The following FAM163A variants were observed in gnomAD, a reference collection of about 807,000 sequenced individuals.
FAM163A encodes the protein protein FAM163A.
Under a neutral mutation model 12.0 loss-of-function variants are expected in FAM163A, and 7 were observed. The ratio of observed to expected loss-of-function variants is 0.58; its 90% CI spans 0.33 to 1.10. The LOEUF (loss-of-function observed/expected upper bound fraction) is 1.10. Ranked by LOEUF, FAM163A falls within the 50% of genes least tolerant of loss-of-function variation. The pLI, the probability that FAM163A is intolerant of heterozygous loss-of-function variation, is 0.03. For synonymous variants in FAM163A, 101 were observed against 91.0 expected (o/e 1.11, Z -0.62); for missense variants, 202 against 218.6 (o/e 0.92, Z 0.48).
At chr1:179,789,370 T>C (rs765543986) in intron 1 of FAM163A, among the ~76,000 whole-genome samples, 28 of 152,164 alleles carry the variant, frequency 1.8e-4, no homozygotes, top group Non-Finnish European at 2.9e-5. Flanking sequence ...TTAGTAGAGA[T>C]GGGGTTTCAC....
chr1:179,755,368 T>A (rs930405576), intron 1 of FAM163A, among the ~76,000 whole-genome samples: 2 of 151,980 alleles, frequency 1.3e-5, no homozygotes, highest in African/African-American at 4.8e-5. Context: ...GCCATGGTAG[T>A]GGGTGAGTGA....
intron 1 of FAM163A, among the ~76,000 whole-genome samples, chr1:179,760,613 A>G (rs1686680478): frequency 6.6e-6 from 1 of 152,226 alleles, no homozygotes; most frequent in Non-Finnish European, 1.5e-5. Context: ...GTCCAGAGAC[A>G]GGTGAGAGAG....
the FAM163A span, among the ~76,000 whole-genome samples, chr1:179,728,130 C>G: frequency 2.6e-3 from 399 of 152,232 alleles, 2 homozygotes; most frequent in African/African-American, 8.8e-3. Context: ...CAGTGCCTGT[C>G]ACATAGTAAG....
chr1:179,802,941 C>A (rs1446008225), intron 1 of FAM163A, among the ~76,000 whole-genome samples: 4 of 151,682 alleles, frequency 2.6e-5, no homozygotes, highest in Non-Finnish European at 5.9e-5. Context: ...CTAGAGAGAC[C>A]CCTTCTCAAA....
chr1:179,780,545 G>C (rs1243217503), intron 1 of FAM163A, among the ~76,000 whole-genome samples: 4 of 152,206 alleles, frequency 2.6e-5, no homozygotes, highest in African/African-American at 9.7e-5. Context: ...GTGGTCCCCA[G>C]ATGAGCAACA....
At chr1:179,808,403 A>C (rs1252997864) in intron 2 of FAM163A, among the ~76,000 whole-genome samples, 1 of 152,192 alleles carries the variant, frequency 6.6e-6, no homozygotes, top group Non-Finnish European at 1.5e-5. Context: ...CCGCTGCCTC[A>C]AGGTCTCAGC....
chr1:179,732,434 T>C, the FAM163A span, among the ~76,000 whole-genome samples: 1 of 152,224 alleles, frequency 6.6e-6, no homozygotes, highest in African/African-American at 2.4e-5. Flanking sequence ...ACATGTTTTT[T>C]GACCCTCAGT....
At chr1:179,784,648 A>C (rs1004216123) in intron 1 of FAM163A, among the ~76,000 whole-genome samples, 8 of 152,212 alleles carry the variant, frequency 5.3e-5, no homozygotes, top group African/African-American at 1.9e-4. Flanking sequence ...GAAAGCACAA[A>C]ACCTGCGCAC....
chr1:179,792,916 G>A (rs989968687), intron 1 of FAM163A, among the ~76,000 whole-genome samples: 3 of 151,550 alleles, frequency 2.0e-5, no homozygotes, highest in Non-Finnish European at 4.4e-5. Flanking sequence ...AGTGTGACAG[G>A]AGCTGGCATC....
intron 1 of FAM163A, among the ~76,000 whole-genome samples, chr1:179,745,730 C>T (rs1684375449): frequency 6.6e-6 from 1 of 152,192 alleles, no homozygotes; most frequent in South Asian, 2.1e-4. Flanking sequence ...ATTATTTCCC[C>T]ATTTTTCGTG....
intron 1 of FAM163A, among the ~76,000 whole-genome samples, chr1:179,745,737 C>A (rs951475213): frequency 6.6e-6 from 1 of 152,110 alleles, no homozygotes; most frequent in Admixed American, 6.5e-5. Flanking sequence ...CCCCATTTTT[C>A]GTGTGATGAA....
chr1:179,737,177 A>G, the FAM163A span, among the ~76,000 whole-genome samples: 31 of 152,222 alleles, frequency 2.0e-4, no homozygotes, highest in Non-Finnish European at 3.4e-4. Context: ...TCACCCTTAT[A>G]AAAGAAGGAA....
At chr1:179,805,748 G>A (rs544489609) in intron 1 of FAM163A, among the ~76,000 whole-genome samples, 9 of 152,236 alleles carry the variant, frequency 5.9e-5, no homozygotes, top group African/African-American at 1.7e-4. Context: ...ACCACTGGCC[G>A]GGATCGAAAT....
chr1:179,729,854 T>C, the FAM163A span, among the ~76,000 whole-genome samples: 1 of 152,332 alleles, frequency 6.6e-6, no homozygotes, highest in South Asian at 2.1e-4. Context: ...TTTATCTTTA[T>C]GGTTCAGCTC....
intron 1 of FAM163A, among the ~76,000 whole-genome samples, chr1:179,753,539 T>G (rs978921075): frequency 7.2e-5 from 11 of 152,158 alleles, no homozygotes; most frequent in African/African-American, 2.7e-4. Flanking sequence ...TGTAGTTTCC[T>G]GAGAAAATGG....
rs1695246845 is a variant in FAM163A, at chr1:179,815,526, C to G, written c.*1337C>G. 1 of 152,318 alleles carries G rather than the reference C, an allele frequency of 6.6e-6. No homozygotes were observed. The highest frequency in any genetic ancestry group is 1.5e-5 in the Non-Finnish European group (1 of 68,122). 9.4% of individuals were successfully genotyped at this position (152,318 alleles called of 1,614,324 possible). A position where few individuals can be genotyped will look rare whatever the true frequency, so the allele number is the denominator to read the frequency against. On this transcript the variant is annotated 3_prime_UTR_variant, in exon 5 of 5. Coordinates refer to ENST00000341785, the MANE Select transcript of FAM163A (RefSeq NM_173509.3). ...GCCGCCCTCCCTTGGCCGCCCTACT[C>G]CCCAGTTTCCTGGCGATGAGCCATT...
chr1:179,805,171 G>A (rs900523760), intron 1 of FAM163A, among the ~76,000 whole-genome samples: 6 of 152,042 alleles, frequency 3.9e-5, no homozygotes, highest in East Asian at 3.9e-4. Context: ...TCCAGTCTTC[G>A]GTGATAGCCT....
intron 1 of FAM163A, among the ~76,000 whole-genome samples, chr1:179,800,991 G>A (rs1158061007): frequency 6.6e-6 from 1 of 152,176 alleles, no homozygotes; most frequent in Non-Finnish European, 1.5e-5. Context: ...ATAGGGCTCA[G>A]CGGAAACCCA....
the FAM163A span, among the ~76,000 whole-genome samples, chr1:179,732,751 C>T: frequency 4.7e-4 from 71 of 151,700 alleles, 1 homozygote; most frequent in African/African-American, 1.6e-3. Context: ...CGTGGTGGTG[C>T]GTGCTTGTAG....
Sources: allele counts gnomAD v4.1 joint callset (sites outside exome capture counted in the v4.1 genomes callset), GRCh38; gene constraint gnomAD v4.1.1; transcripts MANE v1.5; gene names NCBI Gene and HGNC (gene_info 2026-07-23, HGNC 2026-07-21).